The following CACNA2D4 variants were observed in gnomAD, a reference collection of about 807,000 sequenced individuals.
CACNA2D4 encodes voltage-dependent calcium channel subunit alpha-2/delta-4.
In CACNA2D4, 157 loss-of-function variants were observed where a neutral mutation model predicts 163.8. That is an observed-to-expected ratio of 0.96 (90% CI 0.84 to 1.09). The LOEUF is 1.09. Ranked by LOEUF, CACNA2D4 falls within the 50% of genes least tolerant of loss-of-function variation. The pLI is 0.00. For synonymous variants in CACNA2D4, 598 were observed against 586.9 expected (o/e 1.02, Z -0.27); for missense variants, 1,410 against 1,479.9 (o/e 0.95, Z 0.78).
chr12:1,888,322 CAG>C (rs2154449912), intron 6 of CACNA2D4, among the ~76,000 whole-genome samples: 1 of 152,270 alleles, frequency 6.6e-6, no homozygotes, highest in African/African-American at 2.4e-5. Flanking sequence ...CAAGCGGAAA[CAG>C]AAGCGAATTT....
chr12:1,796,870 G>C lies in CACNA2D4; in HGVS notation c.3113+548C>G, dbSNP rs566425437. ...TTCCGCGCGGCCTCCCTGCCTCCCC[G>C]GGGCCAGGGCGGGTTATAACTAGCG... On this transcript the variant is annotated intron_variant, in intron 35 of 37. Coordinates refer to ENST00000382722, the MANE Select transcript of CACNA2D4 (RefSeq NM_172364.5). Among the ~76,000 whole-genome samples, 5 of 152,310 alleles carry C rather than the reference G, an allele frequency of 3.3e-5. No homozygotes were observed. In the South Asian group the frequency reaches 1.0e-3, roughly 32 times the overall value.
intron 2 of CACNA2D4, 35 bp downstream of exon 2, chr12:1,914,818 GC>G (rs765727491): frequency 6.7e-7 from 1 of 1,491,598 alleles, no homozygotes; most frequent in Middle Eastern, 1.7e-4. Flanking sequence ...ACTGCCCTCT[GC>G]CACCCGGTGG....
At chr12:1,856,439 C>T (rs1415888345) in intron 20 of CACNA2D4, among the ~76,000 whole-genome samples, 2 of 152,260 alleles carry the variant, frequency 1.3e-5, no homozygotes, top group African/African-American at 4.8e-5. Flanking sequence ...ATGTCCAAAT[C>T]CTACCCCTTC....
chr12:1,914,935 T>C lies in CACNA2D4; in HGVS notation c.228A>G (p.Thr76=). ...AWGQAKIPLE[T]VKLWADTFGG... The stretch of plus-strand genomic sequence containing the variant: ...CGAAGGTGTCAGCCCATAGCTTCAC[T>C]CTGCCAGGCAATGAAAGGACACGCG... The change falls in exon 2 of 38, where the codon ACA becomes ACG. Residue 76 remains threonine, a splice_region_variant and synonymous_variant. Transcript: ENST00000382722. 1 of 1,611,468 alleles carries C rather than the reference T, an allele frequency of 6.2e-7. No homozygotes were observed. The highest frequency in any genetic ancestry group is 1.1e-5 in the South Asian group (1 of 91,038).
chr12:1,898,650 G>A (rs760710306), intron 6 of CACNA2D4, among the ~76,000 whole-genome samples: 2 of 151,908 alleles, frequency 1.3e-5, no homozygotes, highest in Non-Finnish European at 2.9e-5. Context: ...TGTGATAGAG[G>A]CTGCATCCTT....
chr12:1,819,142 A>G (rs2154446247), intron 26 of CACNA2D4, among the ~76,000 whole-genome samples: 1 of 152,240 alleles, frequency 6.6e-6, no homozygotes, highest in Non-Finnish European at 1.5e-5. Context: ...GTCACCTTGC[A>G]GGGGGCGTTT....
rs996497485 is a variant in CACNA2D4 at position 1,869,240 on chromosome 12, A to AGT, written c.1878+5362_1878+5363dup. 3.3e-5 allele frequency among the ~76,000 whole-genome samples: 5 copies of AGT among 152,206 alleles called. No individual in the cohort carries two copies. The highest frequency in any genetic ancestry group is 1.2e-4 in the African/African-American group (5 of 41,448). On this transcript the variant is annotated intron_variant, in intron 18 of 37. Coordinates refer to ENST00000382722, the MANE Select transcript of CACNA2D4 (RefSeq NM_172364.5). This position sits in a 1 kb window ranked among gnomAD's most constrained non-coding sequence, Gnocchi z 4.7. ...TTCGAGTCAGGGTCAGCCAAAGAGAAGTGTGTGTGAGATTTGCAGACAGAA... is the reference window on the plus strand; with the variant it reads ...TTCGAGTCAGGGTCAGCCAAAGAGAAGTGTGTGTGTGAGATTTGCAGACAGAA...
intron 6 of CACNA2D4, among the ~76,000 whole-genome samples, chr12:1,887,882 C>G (rs1866187188): frequency 6.6e-6 from 1 of 152,156 alleles, no homozygotes; most frequent in South Asian, 2.1e-4. Flanking sequence ...TGTCTAGAAG[C>G]TCCAAGGGCC....
intron 35 of CACNA2D4, 57 bp downstream of exon 35, chr12:1,797,361 C>T (rs987060929): frequency 7.6e-6 from 10 of 1,319,968 alleles, no homozygotes; most frequent in Middle Eastern, 2.3e-4. Flanking sequence ...CGCACTTCCG[C>T]CTTGCCGAGG....
intron 23 of CACNA2D4, among the ~76,000 whole-genome samples, chr12:1,851,942 A>G (rs886887655): frequency 2.0e-4 from 31 of 151,644 alleles, no homozygotes; most frequent in African/African-American, 7.5e-4. Flanking sequence ...CAGTTCTTAT[A>G]GTTTATGTCG....
chr12:1,892,776 A>C (rs1349754208), intron 6 of CACNA2D4, among the ~76,000 whole-genome samples: 1 of 152,228 alleles, frequency 6.6e-6, no homozygotes, highest in Non-Finnish European at 1.5e-5. Flanking sequence ...CATATACAGA[A>C]TGAAACGGAA....
Position 1,871,901 on chromosome 12 carries a change from A to C in CACNA2D4, c.1878+2703T>G, listed in dbSNP as rs77899136. Among the ~76,000 whole-genome samples, 520 of 152,318 alleles carry C rather than the reference A, an allele frequency of 3.4e-3. 11 individuals carry two copies. The South Asian group carries it at 0.045, about 13-fold the overall frequency. ...GCTAATTATTGTTTGAAATGATCAAAAACGAGAATGACAGAACGACTCCTA... is the reference window on the plus strand; with the variant it reads ...GCTAATTATTGTTTGAAATGATCAACAACGAGAATGACAGAACGACTCCTA... On this transcript the variant is annotated intron_variant, in intron 18 of 37. Coordinates refer to ENST00000382722, the MANE Select transcript of CACNA2D4 (RefSeq NM_172364.5).
In CACNA2D4 at chr12:1,800,057, C is replaced by CA. The variant is rs1225438639; in HGVS notation, c.2922-6dup. On this transcript the variant is annotated splice_polypyrimidine_tract_variant and splice_region_variant and intron_variant, in intron 32 of 37. Coordinates refer to ENST00000382722, the MANE Select transcript of CACNA2D4 (RefSeq NM_172364.5). ...ACACTCCACTCCAGCAGGAACCTGT[C>CA]AGACACAGGACTGAATCTCGGAGAC... The CA allele has an allele frequency of 1.9e-6, 3 of 1,597,722 alleles. No homozygotes were observed. Among genetic ancestry groups the CA allele is most frequent in the African/African-American group, 2.7e-5 (2 of 74,632 alleles).
chr12:1,858,584 C>A lies in CACNA2D4; in HGVS notation c.2001G>T (p.Val667=). The A allele has an allele frequency of 6.2e-7, 1 of 1,613,654 alleles. No homozygotes were observed. The highest frequency in any genetic ancestry group is 8.5e-7 in the Non-Finnish European group (1 of 1,179,698). The change falls in exon 20 of 38, where the codon GTG becomes GTT. Residue 667 remains valine (V), a synonymous_variant. Coordinates refer to ENST00000382722, the MANE Select transcript of CACNA2D4 (RefSeq NM_172364.5). The part of the protein sequence containing the change: ...GEYILLGNTS[V]EEGLHDLLHP... ...CCCCTGGTACCGACCCACCTTCTTC[C>A]ACAGACGTGTTCCCCAGAAGGATGT...
intron 29 of CACNA2D4, among the ~76,000 whole-genome samples, chr12:1,808,226 C>A (rs80062255): frequency 0.029 from 4,468 of 152,112 alleles, 104 homozygotes; most frequent in East Asian, 0.075. Context: ...CCTCCAGGGC[C>A]GCCTCCCCGC....
intron 23 of CACNA2D4, among the ~76,000 whole-genome samples, 179 bp from the exon 24 acceptor site, chr12:1,846,868 G>T (rs941630233): frequency 6.6e-6 from 1 of 152,244 alleles, no homozygotes; most frequent in Non-Finnish European, 1.5e-5. Context: ...CATCCACGGT[G>T]CCCATCAGGT....
rs952254306 is a variant in CACNA2D4 at position 1,844,731 on chromosome 12, G to A, written c.2343-202C>T. Reference sequence around the variant, plus strand: ...GTCATGTTGCATCTAGCTAGCAGCTGGAAGAGGCATAGGGTCTGTAGAGTG... The same window carrying A: ...GTCATGTTGCATCTAGCTAGCAGCTAGAAGAGGCATAGGGTCTGTAGAGTG... On this transcript the variant is annotated intron_variant, in intron 24 of 37. Coordinates refer to ENST00000382722, the MANE Select transcript of CACNA2D4 (RefSeq NM_172364.5). This position sits in a 1 kb window ranked among gnomAD's most constrained non-coding sequence, Gnocchi z 4.2. Among the ~76,000 whole-genome samples, 4 of 152,216 alleles carry A rather than the reference G, an allele frequency of 2.6e-5. No individual in the cohort carries two copies. The highest frequency in any genetic ancestry group is 2.1e-4 in the South Asian group (1 of 4,824).
intron 6 of CACNA2D4, among the ~76,000 whole-genome samples, chr12:1,890,040 G>A (rs57768805): frequency 0.01 from 1,551 of 152,244 alleles, 25 homozygotes; most frequent in African/African-American, 0.035. Flanking sequence ...AGGATTGGCT[G>A]GGAGCCTCTC....
rs763389425 is a variant in CACNA2D4 at position 1,834,325 on chromosome 12, G to A, written c.2551+6414C>T. 5.6e-6 allele frequency: 9 copies of A among 1,611,244 alleles called. No individual in the cohort carries two copies. The South Asian group carries it at 9.9e-5, about 18-fold the overall frequency. On this transcript the variant is annotated intron_variant, in intron 26 of 37. Coordinates refer to ENST00000382722, the MANE Select transcript of CACNA2D4 (RefSeq NM_172364.5). This position sits in a 1 kb window ranked among gnomAD's most constrained non-coding sequence, Gnocchi z 7.6. ...CCAAGGAGCTGAGGGGGAAGGACAT[G>A]CGGATGGTCCCCATGGAGATGTTCA...
Sources: gnomAD v4.1 joint callset for allele counts (sites outside exome capture counted in the v4.1 genomes callset) on GRCh38, gnomAD v4.1.1 for gene constraint, Gnocchi (gnomAD v3.1) non-coding constraint, MANE v1.5 for transcripts, NCBI Gene and HGNC (gene_info 2026-07-23, HGNC 2026-07-21) for gene names.